The following TMEM117 variants were observed in gnomAD, a reference collection of about 807,000 sequenced individuals.
TMEM117 encodes the protein transmembrane protein 117.
In TMEM117, 27 loss-of-function variants were observed where a neutral mutation model predicts 52.4. The observed-to-expected ratio is 0.51, with a 90% CI of 0.38 to 0.71. TMEM117 has a LOEUF of 0.71. TMEM117 is among the 30% of genes least tolerant of loss of function. The pLI, the probability that TMEM117 is intolerant of heterozygous loss-of-function variation, is 0.00. For missense variants in TMEM117, 556 were observed against 630.5 expected, an observed-to-expected ratio of 0.88 and a Z score of 1.26; for synonymous variants, 215 against 206.3, an observed-to-expected ratio of 1.04 and a Z score of -0.36.
At chr12:44,045,855 C>T (rs1405299971) in intron 3 of TMEM117, among the ~76,000 whole-genome samples, 1 of 152,064 alleles carries the variant, frequency 6.6e-6, no homozygotes, top group East Asian at 1.9e-4. Flanking sequence ...CAGCAGTGAA[C>T]TCATGCTAAT....
the TMEM117 span, among the ~76,000 whole-genome samples, chr12:43,817,983 T>C: frequency 6.6e-6 from 1 of 152,208 alleles, no homozygotes; most frequent in Non-Finnish European, 1.5e-5. Context: ...CTTGAAAATA[T>C]GTACTTAGTT....
At chr12:44,186,221 T>C (rs1318484948) in intron 4 of TMEM117, among the ~76,000 whole-genome samples, 3 of 152,304 alleles carry the variant, frequency 2.0e-5, no homozygotes, top group Non-Finnish European at 2.9e-5. Context: ...AAGATATTAC[T>C]GGAAGCCCTT....
At chr12:43,975,779 A>T (rs2137704766) in intron 3 of TMEM117, among the ~76,000 whole-genome samples, 1 of 152,344 alleles carries the variant, frequency 6.6e-6, no homozygotes, top group East Asian at 1.9e-4. Context: ...TCCATTAAAC[A>T]AAGGTGATCT....
At chr12:43,984,501 G>T (rs1945814549) in intron 3 of TMEM117, among the ~76,000 whole-genome samples, 1 of 152,120 alleles carries the variant, frequency 6.6e-6, no homozygotes, top group African/African-American at 2.4e-5. Context: ...ATGAACACCT[G>T]ACTCTTTCCA....
intron 3 of TMEM117, among the ~76,000 whole-genome samples, chr12:44,046,768 T>C (rs547245632): frequency 6.6e-6 from 1 of 152,344 alleles, no homozygotes; most frequent in South Asian, 2.1e-4. Flanking sequence ...TAAGAAAATA[T>C]CTTCATTTTA....
intron 3 of TMEM117, among the ~76,000 whole-genome samples, chr12:43,979,906 T>A (rs1201735366): frequency 6.6e-6 from 1 of 152,028 alleles, no homozygotes; most frequent in Non-Finnish European, 1.5e-5. Flanking sequence ...TAGAAAGGGG[T>A]CTGCAGAGTG....
chr12:44,212,716 T>A (rs1469772734), intron 5 of TMEM117, among the ~76,000 whole-genome samples: 4 of 152,158 alleles, frequency 2.6e-5, no homozygotes, highest in Admixed American at 2.6e-4. Context: ...TAGCTGGCTC[T>A]GATGTATATT....
chr12:43,908,924 AT>A (rs1381658132), intron 2 of TMEM117, among the ~76,000 whole-genome samples: 1 of 143,528 alleles, frequency 7.0e-6, no homozygotes, highest in Non-Finnish European at 1.5e-5. Context: ...CACTGTCAAC[AT>A]TAGACAGATC....
At chr12:43,876,152 T>C (rs1943791530) in intron 2 of TMEM117, among the ~76,000 whole-genome samples, 1 of 152,210 alleles carries the variant, frequency 6.6e-6, no homozygotes, top group African/African-American at 2.4e-5. Context: ...CTCATGACTT[T>C]GTCCTTTCCT....
chr12:43,799,105 T>C, the TMEM117 span, among the ~76,000 whole-genome samples: 11 of 152,104 alleles, frequency 7.2e-5, no homozygotes, highest in African/African-American at 2.4e-5. Context: ...TTTCTCTATA[T>C]AATATTCAAA....
At chr12:44,178,760 A>G (rs1949150195) in intron 4 of TMEM117, among the ~76,000 whole-genome samples, 1 of 152,196 alleles carries the variant, frequency 6.6e-6, no homozygotes, top group African/African-American at 2.4e-5. Context: ...AGGAGATAAC[A>G]TATCTACTTC....
chr12:44,165,790 C>T (rs942658108), intron 4 of TMEM117, among the ~76,000 whole-genome samples: 5 of 152,138 alleles, frequency 3.3e-5, no homozygotes, highest in Admixed American at 6.6e-5. Context: ...GACTTTAACA[C>T]CCCACTCTCA....
chr12:44,236,380 G>C (rs1949997256), intron 5 of TMEM117, among the ~76,000 whole-genome samples: 1 of 151,784 alleles, frequency 6.6e-6, no homozygotes, highest in South Asian at 2.1e-4. Flanking sequence ...TTTCTAGTTA[G>C]TTTTCTTTTC....
intron 4 of TMEM117, among the ~76,000 whole-genome samples, chr12:44,205,239 T>TGTG (rs1353485469): frequency 1.3e-5 from 2 of 152,150 alleles, no homozygotes; most frequent in African/African-American, 2.4e-5. Context: ...ATACTGTTCT[T>TGTG]GTGGTAGTGA....
chr12:43,979,112 G>A (rs140811392), intron 3 of TMEM117, among the ~76,000 whole-genome samples: 3 of 152,006 alleles, frequency 2.0e-5, no homozygotes, highest in South Asian at 2.1e-4. Flanking sequence ...TCAAGGAGGG[G>A]CGAAGCCAAT....
At chr12:44,380,051 G>C (rs1265751555) in intron 7 of TMEM117, among the ~76,000 whole-genome samples, 2 of 152,218 alleles carry the variant, frequency 1.3e-5, no homozygotes, top group East Asian at 1.9e-4. Flanking sequence ...ACGTCTGCTG[G>C]CTGGCAGAGG....
chr12:44,018,145 T>G (rs1451180294), intron 3 of TMEM117, among the ~76,000 whole-genome samples: 1 of 152,142 alleles, frequency 6.6e-6, no homozygotes, highest in African/African-American at 2.4e-5. Context: ...TTTTTCTGCC[T>G]TTGTCTTGAA....
chr12:43,802,512 AAGT>A, the TMEM117 span: 1 of 1,370,748 alleles, frequency 7.3e-7, no homozygotes, highest in Non-Finnish European at 1.0e-6. Context: ...TTGAGATATC[AAGT>A]GGTAGTGTGA....
At chr12:43,943,130 A>T (rs1945071720) in intron 2 of TMEM117, among the ~76,000 whole-genome samples, 1 of 145,760 alleles carries the variant, frequency 6.9e-6, no homozygotes, top group African/African-American at 2.5e-5. Flanking sequence ...GTGAGCTGAG[A>T]TCACGCCACT....
Sources: allele counts gnomAD v4.1 joint callset (sites outside exome capture counted in the v4.1 genomes callset), GRCh38; gene constraint gnomAD v4.1.1; transcripts MANE v1.5; gene names NCBI Gene and HGNC (gene_info 2026-07-23, HGNC 2026-07-21).